The following FBLN1 variants were observed in gnomAD, a reference collection of about 807,000 sequenced individuals.
FBLN1 encodes the protein fibulin 1, also known as fibulin-1.
FBLN1 carries 34 observed loss-of-function variants against 89.7 expected under a neutral mutation model. The ratio of observed to expected loss-of-function variants is 0.38; its 90% CI spans 0.29 to 0.50. FBLN1 has a LOEUF of 0.50. Among genes scored for constraint, FBLN1 ranks in the 20% least tolerant of loss-of-function variants. The probability of loss-of-function intolerance (pLI) is 0.92; values close to 1 mark genes in which losing one functional copy is unlikely to be tolerated. For missense variants in FBLN1, 777 were observed against 988.1 expected (o/e 0.79, Z 2.86); for synonymous variants, 393 against 391.3 (o/e 1.00, Z -0.05).
At position 45,502,914 on chromosome 22, in the gene FBLN1, G is replaced by T. The variant is rs1028872791; in HGVS notation, c.-72G>T. 3 of 588,078 alleles carry T rather than the reference G, an allele frequency of 5.1e-6. No homozygotes were observed. Among genetic ancestry groups the T allele is most frequent in the East Asian group, 1.2e-4 (1 of 8,086 alleles). The allele number at this position is 588,078 out of a possible 1,614,324, so 36.4% of individuals were successfully genotyped here. ...TGCCGAGGCTCGGCCGGAGCGTGGA[G>T]CCCGCGCCGCTGCCCCAGGACCGCG... On this transcript the variant is annotated 5_prime_UTR_variant, in exon 1 of 17. Transcript: ENST00000327858.
chr22:45,552,300 G>T (rs991727889), intron 14 of FBLN1, among the ~76,000 whole-genome samples: 2 of 152,216 alleles, frequency 1.3e-5, no homozygotes, highest in Non-Finnish European at 2.9e-5. Flanking sequence ...AGAAGCGGCG[G>T]GAGTATGGAC....
rs1301731834 is a variant in FBLN1 at position 45,563,180 on chromosome 22, C to A, written c.1698-11331C>A. On this transcript the variant is annotated intron_variant, in intron 14 of 16. Transcript: ENST00000327858. The surrounding 1 kb of genome is among the most constrained non-coding windows in gnomAD (Gnocchi z 5.7). ...TGTCCCCGAGCCCAGGGACTTGCTC[C>A]TGACCGTCAAGATGGATCTCTCTCG... The A allele has an allele frequency of 1.2e-6, 2 of 1,613,688 alleles. No homozygotes were observed. The highest frequency in any genetic ancestry group is 2.7e-5 in the African/African-American group (2 of 74,940).
chr22:45,518,914 C>A, intron 2 of FBLN1, 127 bp downstream of exon 2: 1 of 868,418 alleles, frequency 1.2e-6, no homozygotes, highest in Non-Finnish European at 1.9e-6. Flanking sequence ...TCCATCCAGG[C>A]TGCGGGTGCT....
Position 45,600,699 on chromosome 22 carries a change from C to G in FBLN1, c.*253C>G. ...TTTTTAATGCGAAGGCTAAGTGTCA[C>G]CCCCTTTCTCTGCCTCTGGCTGGGC... On this transcript the variant is annotated 3_prime_UTR_variant, in exon 17 of 17. Coordinates refer to ENST00000327858, the MANE Select transcript of FBLN1 (RefSeq NM_006486.3). 1 of 533,012 alleles carries G rather than the reference C, an allele frequency of 1.9e-6. No individual in the cohort carries two copies. The highest frequency in any genetic ancestry group is 3.4e-6 in the Non-Finnish European group (1 of 293,774). The allele number at this position is 533,012 out of a possible 1,614,324, so 33.0% of individuals were successfully genotyped here.
intron 1 of FBLN1, among the ~76,000 whole-genome samples, chr22:45,509,204 T>C (rs1277377394): frequency 6.6e-6 from 1 of 152,086 alleles, no homozygotes; most frequent in African/African-American, 2.4e-5. Context: ...CAGGAGGCCC[T>C]TGGAGCAGGG....
At chr22:45,555,523 C>G (rs2088777633) in intron 14 of FBLN1, among the ~76,000 whole-genome samples, 1 of 152,104 alleles carries the variant, frequency 6.6e-6, no homozygotes, top group African/African-American at 2.4e-5. Flanking sequence ...CGTTTTTCTG[C>G]CTGCTTATGC....
chr22:45,583,230 C>T lies in FBLN1; in HGVS notation c.1972+6122C>T, dbSNP rs986655935. Among the ~76,000 whole-genome samples, 1 of 152,180 alleles carries T rather than the reference C, an allele frequency of 6.6e-6. No homozygotes were observed. Among genetic ancestry groups the T allele is most frequent in the Non-Finnish European group, 1.5e-5 (1 of 68,022 alleles). ...CTCTGTTGTCCCCCAAGCCCCTCAG[C>T]CCCCCAGGCAGCTCTAAGGGCTCAG... On this transcript the variant is annotated intron_variant, in intron 16 of 16. Coordinates refer to ENST00000327858, the MANE Select transcript of FBLN1 (RefSeq NM_006486.3). This position sits in a 1 kb window ranked among gnomAD's most constrained non-coding sequence, Gnocchi z 4.5.
intron 14 of FBLN1, among the ~76,000 whole-genome samples, chr22:45,568,761 T>C (rs571490876): frequency 4.1e-5 from 1 of 24,428 alleles, no homozygotes; most frequent in Admixed American, 3.4e-4. Context: ...AGGGGAGTGC[T>C]CCTTCTGTAA....
At chr22:45,564,931 A>T in intron 14 of FBLN1, 3 of 1,614,110 alleles carry the variant, frequency 1.9e-6, no homozygotes, top group Non-Finnish European at 2.5e-6. Context: ...GGATCAAGTA[A>T]AGAGGACTGC....
rs962116949 is a variant in FBLN1, at chr22:45,543,742, G to A, written c.1321+216G>A. ...GACATCCACCCTCCGAGGCCGTGTC[G>A]GGGTTCATAGGCTGCGGCAGAGGCC... is the stretch of plus-strand genomic sequence containing the variant. On this transcript the variant is annotated intron_variant, in intron 11 of 16. Transcript: ENST00000327858. 6.6e-5 allele frequency among the ~76,000 whole-genome samples: 10 copies of A among 152,208 alleles called. No homozygotes were observed. The East Asian group carries it at 1.2e-3, about 18-fold the overall frequency.
Position 45,550,608 on chromosome 22 carries a change from G to T in FBLN1, c.1690G>T (p.Ala564Ser), listed in dbSNP as rs142867241. 1.2e-6 allele frequency: 2 copies of T among 1,613,902 alleles called. No homozygotes were observed. The highest frequency in any genetic ancestry group is 2.2e-5 in the East Asian group (1 of 44,886). The change falls in exon 14 of 17, where the codon GCA becomes TCA. Residue 564 changes from alanine to serine, a missense_variant. Coordinates refer to ENST00000327858, the MANE Select transcript of FBLN1 (RefSeq NM_006486.3). This position sits in a 1 kb window ranked among gnomAD's most constrained non-coding sequence, Gnocchi z 8.4. ...FECPENYRRS[A>S]ATLQQEKTDT... ...GTGCCCTGAGAACTACCGCCGCTCC[G>T]CAGCCACGTAAGTCCCTTGGACCAT...
At chr22:45,568,447 G>A (rs2014557) in intron 14 of FBLN1, among the ~76,000 whole-genome samples, 4,930 of 74,396 alleles carry the variant, frequency 0.066, 263 homozygotes, top group African/African-American at 0.13. Context: ...CTGTAGGGGA[G>A]TGCTCCTTCT....
intron 16 of FBLN1, among the ~76,000 whole-genome samples, chr22:45,595,355 T>G (rs1472276426): frequency 4.6e-5 from 7 of 152,138 alleles, no homozygotes; most frequent in Non-Finnish European, 1.0e-4. Flanking sequence ...AGCCGTACAG[T>G]CTGTTGTTCA....
chr22:45,565,573 G>A (rs984436710), intron 14 of FBLN1: 1 of 230,128 alleles, frequency 4.3e-6, no homozygotes, highest in Non-Finnish European at 8.7e-6. Flanking sequence ...GTTCCTTAAC[G>A]TCCCCACTAG....
chr22:45,592,285 A>C (rs949652368), intron 16 of FBLN1, among the ~76,000 whole-genome samples: 16 of 152,062 alleles, frequency 1.1e-4, no homozygotes, highest in Non-Finnish European at 1.5e-4. Flanking sequence ...TCCACACTCT[A>C]GTTGGTGGCT....
intron 2 of FBLN1, among the ~76,000 whole-genome samples, chr22:45,519,185 A>G (rs1378836197): frequency 6.6e-6 from 1 of 152,204 alleles, no homozygotes; most frequent in Non-Finnish European, 1.5e-5. Flanking sequence ...AAAAATGCCA[A>G]TGAGCCGGCG....
intron 2 of FBLN1, among the ~76,000 whole-genome samples, chr22:45,519,324 G>C (rs2088215760): frequency 6.6e-6 from 1 of 152,058 alleles, no homozygotes; most frequent in Admixed American, 6.5e-5. Context: ...TGTAAGCTTA[G>C]AATAAATAAT....
intron 1 of FBLN1, among the ~76,000 whole-genome samples, chr22:45,506,562 G>T (rs1316904235): frequency 2.0e-5 from 3 of 152,230 alleles, no homozygotes; most frequent in Admixed American, 6.5e-5. Context: ...TGCAAACTGG[G>T]AACCTAAGGA....
At chr22:45,503,201 A>C (rs2146930288) in intron 1 of FBLN1, 137 bp downstream of exon 1, 75 of 196,348 alleles carry the variant, frequency 3.8e-4, no homozygotes, top group East Asian at 6.5e-4. Context: ...GTCAGCGCCG[A>C]GGCCTCGGCG....
Sources: allele counts gnomAD v4.1 joint callset (sites outside exome capture counted in the v4.1 genomes callset), GRCh38; gene constraint gnomAD v4.1.1; non-coding constraint Gnocchi (gnomAD v3.1); transcripts MANE v1.5; gene names NCBI Gene and HGNC (gene_info 2026-07-23, HGNC 2026-07-21).